Variants in SYT11 observed in about 807,000 individuals in gnomAD.
SYT11 encodes the protein synaptotagmin 11.
A neutral mutation model predicts 30.4 loss-of-function variants in SYT11; 12 were observed. That is an observed-to-expected ratio of 0.39 (90% CI 0.25 to 0.64). The LOEUF is 0.64. Among genes scored for constraint, SYT11 ranks in the 30% least tolerant of loss-of-function variants. The probability of loss-of-function intolerance (pLI) is 0.45; values close to 1 mark genes in which losing one functional copy is unlikely to be tolerated. For missense variants in SYT11, 412 were observed against 552.0 expected (o/e 0.75, Z 2.54); for synonymous variants, 204 against 216.0 (o/e 0.94, Z 0.49).
intron 1 of SYT11, among the ~76,000 whole-genome samples, chr1:155,866,570 C>T (rs754440575): frequency 2.1e-4 from 32 of 151,854 alleles, no homozygotes; most frequent in Non-Finnish European, 4.0e-4. Context: ...AAATAATATG[C>T]GTGTGGGTGT....
chr1:155,866,679 A>C (rs924970651), intron 1 of SYT11, among the ~76,000 whole-genome samples: 24 of 152,064 alleles, frequency 1.6e-4, no homozygotes, highest in Admixed American at 1.0e-3. Context: ...GTTGAAAAAA[A>C]TTAAGCAAGG....
rs149832151 is a variant in SYT11, at chr1:155,868,201, C to T, written c.271C>T (p.Arg91Cys). 1.1e-5 allele frequency: 18 copies of T among 1,614,050 alleles called. No homozygotes were observed. In the East Asian group the frequency reaches 2.9e-4, roughly 26 times the overall value. Reference protein sequence around the residue: ...DKDGPGREGGRRNLLVDAAEA... With the variant: ...DKDGPGREGGCRNLLVDAAEA... ...AGATGGTCCTGGGAGGGAAGGTGGA[C>T]GTAGGAACCTGTTGGTGGACGCAGC... Residue 91 changes from arginine to cysteine, a missense_variant, in exon 2 of 4, where the codon CGT becomes TGT. By Grantham distance (180) the Arg-to-Cys change is radical. Coordinates refer to ENST00000368324, the MANE Select transcript of SYT11 (RefSeq NM_152280.5). The surrounding 1 kb of genome is among the most constrained non-coding windows in gnomAD (Gnocchi z 4.7).
chr1:155,868,730 G>T lies in SYT11; in HGVS notation c.800G>T (p.Gly267Val). The T allele has an allele frequency of 6.2e-7, 1 of 1,614,206 alleles. No homozygotes were observed. The change falls in exon 2 of 4, where the codon GGG becomes GTG. Residue 267 changes from glycine to valine, a missense_variant. Gly to Val is a moderately radical substitution (Grantham distance 109). Coordinates refer to ENST00000368324, the MANE Select transcript of SYT11 (RefSeq NM_152280.5). This position sits in a 1 kb window ranked among gnomAD's most constrained non-coding sequence, Gnocchi z 4.7. ...VIGEVMVPLAGVDPSTGKVQL... is the reference protein window; with the variant it reads ...VIGEVMVPLAVVDPSTGKVQL... ...GGCGAGGTCATGGTGCCACTGGCAG[G>T]GGTGGACCCCAGCACAGGCAAGGTA... is the stretch of plus-strand genomic sequence containing the variant.
chr1:155,883,694 A>G lies in SYT11; in HGVS notation c.*2186A>G, dbSNP rs1380963625. ...ACTGAAGTGTTCACTTCCATAGAAG[A>G]ACATCACTTTTAACCTTGCTTTGGC... On this transcript the variant is annotated 3_prime_UTR_variant, in exon 4 of 4. Coordinates refer to ENST00000368324, the MANE Select transcript of SYT11 (RefSeq NM_152280.5). The G allele has an allele frequency of 2.6e-5, 4 of 152,166 alleles. No homozygotes were observed. Among genetic ancestry groups the G allele is most frequent in the African/African-American group, 9.7e-5 (4 of 41,436 alleles). 9.4% of individuals were successfully genotyped at this position (152,166 alleles called of 1,614,324 possible). A position where few individuals can be genotyped will look rare whatever the true frequency, so the allele number is the denominator to read the frequency against.
rs1232655741 is a variant in SYT11 at position 155,867,994 on chromosome 1, G to A, written c.64G>A (p.Gly22Arg). The change falls in exon 2 of 4, where the codon GGG becomes AGG. Residue 22 changes from glycine (G) to arginine (R), a missense_variant. Physicochemically the swap from Gly to Arg is moderately radical, Grantham distance 125 (BLOSUM62 -2). Coordinates refer to ENST00000368324, the MANE Select transcript of SYT11 (RefSeq NM_152280.5). ...GTCACCGGTGGTGGCCGGCCTCATC[G>A]GGGCCTCTGTGCTGGTGGTGTGTGT... is the stretch of plus-strand genomic sequence containing the variant. ...DVSPVVAGLI[G>R]ASVLVVCVSV... 1.2e-6 allele frequency: 2 copies of A among 1,611,350 alleles called. No homozygotes were observed. The highest frequency in any genetic ancestry group is 8.5e-7 in the Non-Finnish European group (1 of 1,179,260).
intron 1 of SYT11, among the ~76,000 whole-genome samples, chr1:155,864,508 G>A (rs1285383252): frequency 6.6e-6 from 1 of 152,116 alleles, no homozygotes; most frequent in Non-Finnish European, 1.5e-5. Flanking sequence ...CCATGGATTG[G>A]TTGGAGAGGA....
intron 1 of SYT11, among the ~76,000 whole-genome samples, chr1:155,865,742 A>AT (rs1161060097): frequency 4.0e-5 from 6 of 151,362 alleles, no homozygotes; most frequent in Non-Finnish European, 8.8e-5. Flanking sequence ...CAGTGGCACG[A>AT]TTTTAACTCA....
At position 155,860,822 on chromosome 1, in the gene SYT11, T is replaced by C. The variant is rs1308205257; in HGVS notation, c.34+1027T>C. On this transcript the variant is annotated intron_variant, in intron 1 of 3. Transcript: ENST00000368324. The surrounding 1 kb of genome is among the most constrained non-coding windows in gnomAD (Gnocchi z 4.1). Reference sequence around the variant, plus strand: ...AAGTTTTTTCCTCTTTGGGGACTCCTGCAGTATATGCTAAAGGAGCAAACT... The same window carrying C: ...AAGTTTTTTCCTCTTTGGGGACTCCCGCAGTATATGCTAAAGGAGCAAACT... Among the ~76,000 whole-genome samples the C allele has an allele frequency of 2.0e-5, 3 of 152,216 alleles. No individual in the cohort carries two copies. The highest frequency in any genetic ancestry group is 2.0e-4 in the Admixed American group (3 of 15,282).
At chr1:155,867,530 T>A (rs1672700417) in intron 1 of SYT11, among the ~76,000 whole-genome samples, 1 of 152,214 alleles carries the variant, frequency 6.6e-6, no homozygotes, top group South Asian at 2.1e-4. Flanking sequence ...AGTCAGTCAG[T>A]GCAGGCCCTG....
At chr1:155,863,791 T>C (rs2485472) in intron 1 of SYT11, among the ~76,000 whole-genome samples, 142,103 of 152,020 alleles carry the variant, frequency 0.93, 67,215 homozygotes, top group East Asian at 1. Flanking sequence ...TGTAGTGGCA[T>C]GTGCTGGTAA....
intron 1 of SYT11, among the ~76,000 whole-genome samples, chr1:155,866,089 A>C (rs964739157): frequency 4.0e-5 from 6 of 149,880 alleles, no homozygotes; most frequent in African/African-American, 1.5e-4. Context: ...CAAAAAAAAA[A>C]TCTATTTCTC....
At position 155,878,637 on chromosome 1, in the gene SYT11, G is replaced by A. The variant is rs370569214; in HGVS notation, c.862-1863G>A. Among the ~76,000 whole-genome samples the A allele has an allele frequency of 2.9e-4, 44 of 151,242 alleles. No individual in the cohort carries two copies. In the South Asian group the frequency reaches 7.1e-3, roughly 24 times the overall value. ...TCCCAGCACTTTGGGAGGCCGAGAC[G>A]GGCGGATCATGAGGTCAGGAGATCA... On this transcript the variant is annotated intron_variant, in intron 2 of 3. Transcript: ENST00000368324.
intron 2 of SYT11, among the ~76,000 whole-genome samples, chr1:155,872,910 G>A (rs1260891010): frequency 6.6e-6 from 1 of 152,140 alleles, no homozygotes; most frequent in Non-Finnish European, 1.5e-5. Context: ...GGATCAGATG[G>A]AGGACAGTTG....
chr1:155,866,116 C>CTTTTTTTTTTTTTTTTTTT (rs11419325), intron 1 of SYT11, among the ~76,000 whole-genome samples: 1 of 123,278 alleles, frequency 8.1e-6, no homozygotes, highest in Non-Finnish European at 1.6e-5. Context: ...TTTTTTTTTT[C>CTTTTTTTTTTTTTTTTTTT]TTTTTTTTTT....
At position 155,868,845 on chromosome 1, in the gene SYT11, T is replaced by G; in HGVS notation, c.861+54T>G. The G allele has an allele frequency of 6.5e-7, 1 of 1,527,700 alleles. No individual in the cohort carries two copies. The highest frequency in any genetic ancestry group is 8.9e-7 in the Non-Finnish European group (1 of 1,124,428). 94.6% of individuals were successfully genotyped at this position (1,527,700 alleles called of 1,614,324 possible). A position where few individuals can be genotyped will look rare whatever the true frequency, so the allele number is the denominator to read the frequency against. On this transcript the variant is annotated intron_variant, in intron 2 of 3. Transcript: ENST00000368324. This position sits in a 1 kb window ranked among gnomAD's most constrained non-coding sequence, Gnocchi z 4.7. ...ATGGTAGGTTGGGGGAGAAAATATCTCAGGGGATAAATGGAAGTGGGAGGG... is the reference window on the plus strand; with the variant it reads ...ATGGTAGGTTGGGGGAGAAAATATCGCAGGGGATAAATGGAAGTGGGAGGG...
Position 155,860,210 on chromosome 1 carries a change from G to A in SYT11, c.34+415G>A, listed in dbSNP as rs944848549. 2.6e-5 allele frequency among the ~76,000 whole-genome samples: 4 copies of A among 152,230 alleles called. No individual in the cohort carries two copies. Among genetic ancestry groups the A allele is most frequent in the Non-Finnish European group, 5.9e-5 (4 of 68,032 alleles). On this transcript the variant is annotated intron_variant, in intron 1 of 3. Transcript: ENST00000368324. This position sits in a 1 kb window ranked among gnomAD's most constrained non-coding sequence, Gnocchi z 4.1. ...CCTCCCATTCCTAAGGGCTGCGGGG[G>A]AGGGAAGTGACAAGGGGGATGGGGC... is the stretch of plus-strand genomic sequence containing the variant.
intron 2 of SYT11, among the ~76,000 whole-genome samples, chr1:155,871,942 T>C (rs1672786894): frequency 6.6e-6 from 1 of 152,120 alleles, no homozygotes; most frequent in African/African-American, 2.4e-5. Flanking sequence ...CTCTCCTTGG[T>C]GAACGTCAGC....
Position 155,881,736 on chromosome 1 carries a change from T to C in SYT11, c.*228T>C, listed in dbSNP as rs1055565154. 5.1e-6 allele frequency: 2 copies of C among 389,876 alleles called. No individual in the cohort carries two copies. The highest frequency in any genetic ancestry group is 9.1e-6 in the Non-Finnish European group (2 of 220,134). The allele number at this position is 389,876 out of a possible 1,614,324, so 24.2% of individuals were successfully genotyped here. On this transcript the variant is annotated 3_prime_UTR_variant, in exon 4 of 4. Coordinates refer to ENST00000368324, the MANE Select transcript of SYT11 (RefSeq NM_152280.5). ...GGCGCTAGAATCTTTTATTTTACTT[T>C]ATTTTTTTTGAGGTGGAGTTTCGCT...
rs1036809154 is a variant in SYT11, at chr1:155,884,460, A to T, written c.*2952A>T. ...GGACAGTGCAGGGCTCCTCCCTCCT[A>T]CCTCAGGCCTGATCCATCGTGCCCT... On this transcript the variant is annotated 3_prime_UTR_variant, in exon 4 of 4. Transcript: ENST00000368324. 4.6e-5 allele frequency: 7 copies of T among 152,760 alleles called. No homozygotes were observed. Among genetic ancestry groups the T allele is most frequent in the African/African-American group, 1.4e-4 (6 of 41,442 alleles). The allele number at this position is 152,760 out of a possible 1,614,324, so 9.5% of individuals were successfully genotyped here.
Sources: gnomAD v4.1 joint callset for allele counts (sites outside exome capture counted in the v4.1 genomes callset) on GRCh38, gnomAD v4.1.1 for gene constraint, Gnocchi (gnomAD v3.1) non-coding constraint, MANE v1.5 for transcripts, NCBI Gene and HGNC (gene_info 2026-07-23, HGNC 2026-07-21) for gene names.